Variants in PCBP2 observed in about 807,000 individuals in gnomAD.
PCBP2 encodes the protein poly(rC) binding protein 2.
In PCBP2, 4 loss-of-function variants were observed where a neutral mutation model predicts 50.1. That is an observed-to-expected ratio of 0.08 (90% CI 0.04 to 0.18). The LOEUF (loss-of-function observed/expected upper bound fraction) is 0.18. Ranked by LOEUF, PCBP2 falls within the 10% of genes least tolerant of loss-of-function variation. The pLI is 1.00. For synonymous variants in PCBP2, 179 were observed against 168.0 expected (o/e 1.07, Z -0.51); for missense variants, 161 against 474.3 (o/e 0.34, Z 6.14).
intron 12 of PCBP2, 79 bp from the exon 13 acceptor site, chr12:53,468,698 C>A: frequency 9.3e-7 from 1 of 1,070,230 alleles, no homozygotes; most frequent in Non-Finnish European, 1.4e-6. Flanking sequence ...AGTTTATTTC[C>A]TTCTGTTAGT....
chr12:53,459,281 A>G lies in PCBP2; in HGVS notation c.253A>G (p.Ser85Gly). The G allele has an allele frequency of 6.2e-7, 1 of 1,607,376 alleles. No homozygotes were observed. Among genetic ancestry groups the G allele is most frequent in the Non-Finnish European group, 8.5e-7 (1 of 1,176,534 alleles). Residue 85 changes from serine (S) to glycine (G), a missense_variant, in exon 6 of 15, where the codon AGC becomes GGC. Transcript: ENST00000546463. Reference protein sequence around the residue: ...IIDKLEEDISSSMTNSTAASR... With the variant: ...IIDKLEEDISGSMTNSTAASR... ...TTCTTTCTTTCTGTAGGACATAAGC[A>G]GCTCTATGACCAATAGCACAGCTGC...
rs1010753844 is a variant in PCBP2 at position 53,452,166 on chromosome 12, T to TCCGCCCGC, written c.-275_-268dup. 1.3e-3 allele frequency: 22 copies of TCCGCCCGC among 17,448 alleles called. No individual in the cohort carries two copies. The highest frequency in any genetic ancestry group is 7.0e-3 in the East Asian group (3 of 428). 1.1% of individuals were successfully genotyped at this position (17,448 alleles called of 1,614,324 possible). Reference sequence around the variant, plus strand: ...TGCGCCCTCTCCCGCCCGCCCGCCCTCCGCCCGCCCGCCCGCCCTCCGCCG... The same window carrying TCCGCCCGC: ...TGCGCCCTCTCCCGCCCGCCCGCCCTCCGCCCGCCCGCCCGCCCGCCCGCCCTCCGCCG... On this transcript the variant is annotated 5_prime_UTR_variant, in exon 1 of 15. Coordinates refer to ENST00000546463, the MANE Select transcript of PCBP2 (RefSeq NM_031989.5).
intron 4 of PCBP2, 45 bp from the exon 5 acceptor site, chr12:53,455,840 G>A (rs193291866): frequency 1.1e-5 from 14 of 1,302,258 alleles, no homozygotes; most frequent in Non-Finnish European, 1.4e-5. Context: ...TACATACTCA[G>A]ATCTTCTTTG....
At chr12:53,476,280 T>C (rs1424937068) in intron 14 of PCBP2, among the ~76,000 whole-genome samples, 1 of 152,170 alleles carries the variant, frequency 6.6e-6, no homozygotes, top group South Asian at 2.1e-4. Flanking sequence ...GGAAGGAACC[T>C]TAAGGATCAA....
intron 14 of PCBP2, among the ~76,000 whole-genome samples, chr12:53,478,647 T>C (rs1252486053): frequency 6.6e-6 from 1 of 151,958 alleles, no homozygotes; most frequent in African/African-American, 2.4e-5. Context: ...CTACTAATAA[T>C]AGAAAAAGTA....
intron 6 of PCBP2, 134 bp from the exon 7 acceptor site, chr12:53,460,881 G>A (rs1941406262): frequency 1.1e-6 from 1 of 928,668 alleles, no homozygotes; most frequent in Non-Finnish European, 1.6e-6. Context: ...GGGAAGAGTG[G>A]GACAAAGAAC....
Position 53,462,476 on chromosome 12 carries a change from C to T in PCBP2, c.505-17C>T, listed in dbSNP as rs1430203065. 47 of 1,603,334 alleles carry T rather than the reference C, an allele frequency of 2.9e-5. No individual in the cohort carries two copies. The highest frequency in any genetic ancestry group is 1.7e-4 in the Middle Eastern group (1 of 6,042). On this transcript the variant is annotated splice_polypyrimidine_tract_variant and intron_variant, in intron 7 of 14. Transcript: ENST00000546463. ...CCTTATCTCTTTTTGTTTTTTTCCCCTCTGACTCTCTCCCAGTCCCCCCCG... is the reference window on the plus strand; with the variant it reads ...CCTTATCTCTTTTTGTTTTTTTCCCTTCTGACTCTCTCCCAGTCCCCCCCG...
At chr12:53,459,236 G>T in intron 5 of PCBP2, 36 bp from the exon 6 acceptor site, 2 of 1,541,496 alleles carry the variant, frequency 1.3e-6, no homozygotes, top group South Asian at 2.4e-5. Context: ...CTAGTTTCCA[G>T]GGATCTGCTT....
Position 53,461,584 on chromosome 12 carries a change from C to T in PCBP2, c.504+441C>T, listed in dbSNP as rs1030660918. Among the ~76,000 whole-genome samples, 4 of 152,138 alleles carry T rather than the reference C, an allele frequency of 2.6e-5. No homozygotes were observed. In the East Asian group the frequency reaches 5.8e-4, roughly 22 times the overall value. The stretch of plus-strand genomic sequence containing the variant: ...AAAAATGTATGTATGATGATGTTTC[C>T]GAATGACTTACAAGGTCCTGATTAT... On this transcript the variant is annotated intron_variant, in intron 7 of 14. Coordinates refer to ENST00000546463, the MANE Select transcript of PCBP2 (RefSeq NM_031989.5).
At chr12:53,460,922 C>A in intron 6 of PCBP2, 93 bp from the exon 7 acceptor site, 1 of 1,344,570 alleles carries the variant, frequency 7.4e-7, no homozygotes, top group Non-Finnish European at 1.1e-6. Flanking sequence ...GGATAAATAT[C>A]TACTAGAGTT....
At chr12:53,470,021 C>T (rs1282799490) in intron 13 of PCBP2, among the ~76,000 whole-genome samples, 3 of 151,806 alleles carry the variant, frequency 2.0e-5, no homozygotes, top group Admixed American at 6.6e-5. Context: ...GTTGGGATTA[C>T]AGGTGTGAGC....
intron 6 of PCBP2, 92 bp downstream of exon 6, chr12:53,459,495 G>T: frequency 1.2e-5 from 13 of 1,115,326 alleles, no homozygotes; most frequent in Non-Finnish European, 1.7e-5. Context: ...ATGAGATGAA[G>T]ATTTTTATTG....
chr12:53,473,418 A>G (rs1160867089), intron 14 of PCBP2, among the ~76,000 whole-genome samples: 1 of 152,210 alleles, frequency 6.6e-6, no homozygotes, highest in Non-Finnish European at 1.5e-5. Flanking sequence ...TTTGGAGGGC[A>G]AGAAGTTTTC....
chr12:53,472,959 A>G (rs1319197450), intron 14 of PCBP2, among the ~76,000 whole-genome samples: 3 of 152,300 alleles, frequency 2.0e-5, no homozygotes, highest in South Asian at 4.1e-4. Context: ...TTTTGCACCA[A>G]GGTTGTTTGC....
At chr12:53,466,135 A>G (rs889680045) in intron 10 of PCBP2, among the ~76,000 whole-genome samples, 162 bp downstream of exon 10, 1 of 152,220 alleles carries the variant, frequency 6.6e-6, no homozygotes, top group South Asian at 2.1e-4. Context: ...CCCTTTAATC[A>G]GGGTAATGCC....
intron 11 of PCBP2, 58 bp from the exon 12 acceptor site, chr12:53,467,747 C>T: frequency 7.4e-7 from 1 of 1,358,316 alleles, no homozygotes; most frequent in South Asian, 1.2e-5. Flanking sequence ...TAAGGAATAA[C>T]TTGTCCGATA....
intron 13 of PCBP2, among the ~76,000 whole-genome samples, chr12:53,470,080 C>G (rs2137091227): frequency 6.6e-6 from 1 of 151,924 alleles, no homozygotes; most frequent in East Asian, 1.9e-4. Flanking sequence ...AAAGCCTTAT[C>G]TTTAGAAGAT....
At position 53,452,116 on chromosome 12, in the gene PCBP2, G is replaced by GGCAGCAGCCGGA. The variant is rs1592623335; in HGVS notation, c.-330_-319dup. On this transcript the variant is annotated 5_prime_UTR_variant, in exon 1 of 15. Transcript: ENST00000546463. ...CCCGTCCCCCTCCCAGACCAGCAGA[G>GGCAGCAGCCGGA]GCAGCAGCCGGAGCAGCCGCAGCCT... is the stretch of plus-strand genomic sequence containing the variant. 6.7e-6 allele frequency: 1 copy of GGCAGCAGCCGGA among 150,040 alleles called. No homozygotes were observed. Among genetic ancestry groups the GGCAGCAGCCGGA allele is most frequent in the Non-Finnish European group, 1.5e-5 (1 of 67,106 alleles). 9.3% of individuals were successfully genotyped at this position (150,040 alleles called of 1,614,324 possible). A position where few individuals can be genotyped will look rare whatever the true frequency, so the allele number is the denominator to read the frequency against.
chr12:53,459,347 A>G lies in PCBP2; in HGVS notation c.319A>G (p.Ser107Gly). ...CACCCTGAGGCTGGTGGTCCCTGCT[A>G]GTCAGTGTGGCTCTCTCATTGGAAA... ...PVTLRLVVPA[S>G]QCGSLIGKGG... Residue 107 changes from serine to glycine, a missense_variant, in exon 6 of 15, where the codon AGT (serine) becomes GGT (glycine). By Grantham distance (56) the Ser-to-Gly change is moderately conservative (BLOSUM62 0). Coordinates refer to ENST00000546463, the MANE Select transcript of PCBP2 (RefSeq NM_031989.5). 1 of 1,613,406 alleles carries G rather than the reference A, an allele frequency of 6.2e-7. No homozygotes were observed. The highest frequency in any genetic ancestry group is 8.5e-7 in the Non-Finnish European group (1 of 1,179,464).
Sources: gnomAD v4.1 joint callset for allele counts (sites outside exome capture counted in the v4.1 genomes callset) on GRCh38, gnomAD v4.1.1 for gene constraint, MANE v1.5 for transcripts, NCBI Gene and HGNC (gene_info 2026-07-23, HGNC 2026-07-21) for gene names.